The following OR2L13 variants were observed in gnomAD, a reference collection of about 807,000 sequenced individuals.
OR2L13 encodes the protein olfactory receptor 2L13.
Under a neutral mutation model 15.3 loss-of-function variants are expected in OR2L13, and 14 were observed. The ratio of observed to expected loss-of-function variants is 0.91; its 90% confidence interval spans 0.60 to 1.43. The LOEUF is 1.43. Among genes scored for constraint, OR2L13 ranks in the 40% most tolerant of loss-of-function variants. The probability of loss-of-function intolerance (pLI) is 0.00; values close to 1 mark genes in which losing one functional copy is unlikely to be tolerated. For synonymous variants in OR2L13, 152 were observed against 142.9 expected, an observed-to-expected ratio of 1.06 and a Z score of -0.45; for missense variants, 367 against 387.9, an observed-to-expected ratio of 0.95 and a Z score of 0.45.
At chr1:248,091,596 G>A (rs1558219870), upstream of OR2L13, among the ~76,000 whole-genome samples, 1 of 151,900 alleles carries the variant, frequency 6.6e-6, no homozygotes, top group Non-Finnish European at 1.5e-5. Flanking sequence ...GGCTCTCGGT[G>A]TACGGCATTA....
the OR2L13 span, among the ~76,000 whole-genome samples, chr1:247,967,852 C>A: frequency 7.7e-6 from 1 of 129,376 alleles, no homozygotes; most frequent in Non-Finnish European, 1.6e-5. Context: ...CTTCCTCCTT[C>A]TCCTCCTCCT....
the OR2L13 span, chr1:248,038,633 T>C: frequency 3.1e-6 from 5 of 1,614,136 alleles, no homozygotes; most frequent in Non-Finnish European, 4.2e-6. Context: ...ATGATCGTTA[T>C]GTGGCCATTT....
chr1:247,945,955 C>T, the OR2L13 span, among the ~76,000 whole-genome samples: 5 of 152,224 alleles, frequency 3.3e-5, no homozygotes, highest in Admixed American at 6.5e-5. Context: ...TTGTTGACAT[C>T]TTAACCGTAT....
the OR2L13 span, among the ~76,000 whole-genome samples, chr1:247,944,750 A>G: frequency 2.0e-5 from 3 of 152,152 alleles, no homozygotes; most frequent in African/African-American, 7.2e-5. Flanking sequence ...GCTACTGAGC[A>G]TAGTGCTGCA....
chr1:248,069,089 G>A, the OR2L13 span, among the ~76,000 whole-genome samples: 1 of 152,080 alleles, frequency 6.6e-6, no homozygotes, highest in Non-Finnish European at 1.5e-5. Flanking sequence ...ATCTAGCAAG[G>A]CAGGCCAAAA....
chr1:248,042,511 A>AAAAT, the OR2L13 span, among the ~76,000 whole-genome samples: 1 of 152,106 alleles, frequency 6.6e-6, no homozygotes, highest in African/African-American at 2.4e-5. Context: ...ACAATAATAA[A>AAAAT]AAATAAATAA....
chr1:248,010,093 T>C, the OR2L13 span, among the ~76,000 whole-genome samples: 1 of 152,126 alleles, frequency 6.6e-6, no homozygotes, highest in Non-Finnish European at 1.5e-5. Flanking sequence ...GCATTCCCTA[T>C]GAAAACCAGC....
chr1:247,993,806 A>AGG, the OR2L13 span, among the ~76,000 whole-genome samples: 1 of 136,226 alleles, frequency 7.3e-6, no homozygotes, highest in Non-Finnish European at 1.5e-5. Flanking sequence ...AGAGAGAGAG[A>AGG]GAGAGAAAGA....
At chr1:248,082,769 A>G in the OR2L13 span, among the ~76,000 whole-genome samples, 1 of 152,226 alleles carries the variant, frequency 6.6e-6, no homozygotes, top group South Asian at 2.1e-4. Flanking sequence ...TGGCAGAAGT[A>G]AGGTGACTCA....
At chr1:248,061,450 A>G in the OR2L13 span, 8 of 1,613,870 alleles carry the variant, frequency 5.0e-6, no homozygotes, top group East Asian at 1.8e-4. Context: ...TTTTGTCTAC[A>G]CTTATCTACG....
chr1:248,018,027 C>T, the OR2L13 span, among the ~76,000 whole-genome samples: 2 of 151,880 alleles, frequency 1.3e-5, no homozygotes, highest in African/African-American at 4.8e-5. Flanking sequence ...TGGTGGTGGG[C>T]CCCTGTAATC....
the OR2L13 span, among the ~76,000 whole-genome samples, chr1:248,024,718 G>C: frequency 6.6e-6 from 1 of 152,130 alleles, no homozygotes; most frequent in Non-Finnish European, 1.5e-5. Context: ...GATAGTTGTA[G>C]ATATGTGGTG....
At chr1:248,083,540 C>T in the OR2L13 span, 1 of 915,118 alleles carries the variant, frequency 1.1e-6, no homozygotes, top group Non-Finnish European at 1.7e-6. Context: ...AATGCACAAA[C>T]TTAATTTTCT....
At chr1:248,054,798 T>C in the OR2L13 span, among the ~76,000 whole-genome samples, 11 of 152,214 alleles carry the variant, frequency 7.2e-5, no homozygotes, top group Non-Finnish European at 1.0e-4. Context: ...TTTTGTATCC[T>C]GAGAGTTTGA....
the OR2L13 span, chr1:248,083,483 C>G: frequency 1.8e-5 from 12 of 667,010 alleles, no homozygotes; most frequent in Non-Finnish European, 3.1e-5. Context: ...AATGGTATCT[C>G]TCAATACAAT....
chr1:247,942,498 T>C, the OR2L13 span, among the ~76,000 whole-genome samples: 3 of 152,082 alleles, frequency 2.0e-5, no homozygotes, highest in Admixed American at 1.3e-4. Flanking sequence ...ATATAAATTA[T>C]ATAATATTGG....
chr1:247,990,681 AGT>A, the OR2L13 span: 1 of 1,530,384 alleles, frequency 6.5e-7, no homozygotes, highest in Non-Finnish European at 9.1e-7. Context: ...TGAGAAAAAG[AGT>A]GTGTGCACTG....
chr1:248,036,451 AACTC>A, the OR2L13 span, among the ~76,000 whole-genome samples: 1 of 152,174 alleles, frequency 6.6e-6, no homozygotes, highest in Non-Finnish European at 1.5e-5. Context: ...TAATTTTAAA[AACTC>A]ACTCTTTTTG....
chr1:248,004,155 G>A, the OR2L13 span: 1 of 1,142,730 alleles, frequency 8.8e-7, no homozygotes, highest in Non-Finnish European at 1.2e-6. Flanking sequence ...CATTCCTAGA[G>A]TTCAGGAGCA....
Sources: gnomAD v4.1 joint callset for allele counts (sites outside exome capture counted in the v4.1 genomes callset) on GRCh38, gnomAD v4.1.1 for gene constraint, MANE v1.5 for transcripts, NCBI Gene and HGNC (gene_info 2026-07-23, HGNC 2026-07-21) for gene names.